The following TRANK1 variants were observed in gnomAD, a reference collection of about 807,000 sequenced individuals.
TRANK1 encodes the protein tetratricopeptide repeat and ankyrin repeat containing 1.
In TRANK1, 198 loss-of-function variants were observed where a neutral mutation model predicts 266.0. The observed-to-expected ratio is 0.74, with a 90% confidence interval of 0.66 to 0.84. The LOEUF is 0.84. Among genes scored for constraint, TRANK1 ranks in the 40% least tolerant of loss-of-function variants. TRANK1 has a pLI of 0.00. For missense variants in TRANK1, 3,326 were observed against 3,634.6 expected, an observed-to-expected ratio of 0.92 and a Z score of 2.18; for synonymous variants, 1,396 against 1,384.1, an observed-to-expected ratio of 1.01 and a Z score of -0.19.
At chr3:36,919,636 T>C (rs1414547426) in intron 1 of TRANK1, among the ~76,000 whole-genome samples, 4 of 152,108 alleles carry the variant, frequency 2.6e-5, no homozygotes, top group African/African-American at 9.7e-5. Flanking sequence ...TTCCCAGGAG[T>C]GGATCTGCTG....
At chr3:36,940,345 A>G (rs896210613) in intron 1 of TRANK1, among the ~76,000 whole-genome samples, 1 of 151,682 alleles carries the variant, frequency 6.6e-6, no homozygotes, top group African/African-American at 2.4e-5. Context: ...AAAAAGTACA[A>G]AAAAATTAGC....
chr3:36,926,400 GA>G (rs2080288713), intron 1 of TRANK1, among the ~76,000 whole-genome samples: 1 of 152,154 alleles, frequency 6.6e-6, no homozygotes, highest in African/African-American at 2.4e-5. Flanking sequence ...ATCTACAGAA[GA>G]AATTGTTAAG....
intron 9 of TRANK1, among the ~76,000 whole-genome samples, chr3:36,871,049 A>G (rs575379193): frequency 1.3e-5 from 2 of 152,186 alleles, no homozygotes; most frequent in South Asian, 4.1e-4. Context: ...AACACTAAAT[A>G]GAACATGCAC....
chr3:36,862,281 C>T (rs879906515), intron 10 of TRANK1, among the ~76,000 whole-genome samples: 12 of 152,070 alleles, frequency 7.9e-5, no homozygotes, highest in African/African-American at 2.2e-4. Flanking sequence ...TCAAGGATTA[C>T]CTAAATAAGA....
chr3:36,850,624 T>TA, intron 15 of TRANK1: 2 of 797,072 alleles, frequency 2.5e-6, no homozygotes, highest in Non-Finnish European at 3.0e-6. Flanking sequence ...AAATAAATTT[T>TA]AAAAAATAGA....
intron 1 of TRANK1, among the ~76,000 whole-genome samples, chr3:36,914,384 T>C (rs1005994769): frequency 6.6e-6 from 1 of 151,540 alleles, no homozygotes; most frequent in African/African-American, 2.4e-5. Context: ...AGCGCTCAGG[T>C]GATCCCTCGG....
chr3:36,854,180 G>A (rs2079019967), intron 13 of TRANK1, among the ~76,000 whole-genome samples: 1 of 152,094 alleles, frequency 6.6e-6, no homozygotes. Context: ...GACGAACATA[G>A]TGAAACCCCA....
chr3:36,902,976 C>T (rs1430868789), intron 3 of TRANK1, among the ~76,000 whole-genome samples, 173 bp downstream of exon 3: 1 of 152,162 alleles, frequency 6.6e-6, no homozygotes, highest in Non-Finnish European at 1.5e-5. Context: ...AGAAGAACTC[C>T]TAGCATTTCC....
In TRANK1 at chr3:36,899,145, C is replaced by A; in HGVS notation, c.397G>T (p.Ala133Ser). 1 of 1,537,264 alleles carries A rather than the reference C, an allele frequency of 6.5e-7. No homozygotes were observed. Among genetic ancestry groups the A allele is most frequent in the Admixed American group, 2.0e-5 (1 of 50,994 alleles). Residue 133 changes from alanine to serine, a missense_variant, in exon 4 of 24, where the codon GCT becomes TCT. Ala to Ser is a moderately conservative substitution (Grantham distance 99, BLOSUM62 1). Coordinates refer to ENST00000645898, the MANE Select transcript of TRANK1 (RefSeq NM_001329998.2). The part of the protein sequence containing the change: ...VQRSQDQAPV[A>S]DFLVGVFTTM... ...GTGAAGACTCCAACAAGGAAATCAG[C>A]AACCGGTGCCTGGTCTTGGCTTCTC...
chr3:36,833,278 G>A lies in TRANK1; in HGVS notation c.6305C>T (p.Thr2102Ile), dbSNP rs754981804. The A allele has an allele frequency of 6.8e-6, 11 of 1,613,936 alleles. No individual in the cohort carries two copies. The highest frequency in any genetic ancestry group is 8.5e-6 in the Non-Finnish European group (10 of 1,179,876). ...LSLVRALKRVTNNAEKEMVKS... is the reference protein window; with the variant it reads ...LSLVRALKRVINNAEKEMVKS... ...GACCATTTCCTTCTCAGCATTGTTGGTCACTCTTTTGAGAGCCCTGACCAG... is the reference window on the plus strand; with the variant it reads ...GACCATTTCCTTCTCAGCATTGTTGATCACTCTTTTGAGAGCCCTGACCAG... Residue 2102 changes from threonine (T) to isoleucine (I), a missense_variant, in exon 22 of 24, where the codon ACC (threonine) becomes ATC (isoleucine). Coordinates refer to ENST00000645898, the MANE Select transcript of TRANK1 (RefSeq NM_001329998.2).
rs200523198 is a variant in TRANK1 at position 36,831,295 on chromosome 3, T to C, written c.8288A>G (p.Asp2763Gly). 1 of 1,613,480 alleles carries C rather than the reference T, an allele frequency of 6.2e-7. No homozygotes were observed. Among genetic ancestry groups the C allele is most frequent in the Non-Finnish European group, 8.5e-7 (1 of 1,179,886 alleles). The change falls in exon 22 of 24, where the codon GAC (aspartate) becomes GGC (glycine). Residue 2763 changes from aspartate (D) to glycine (G), a missense_variant. Coordinates refer to ENST00000645898, the MANE Select transcript of TRANK1 (RefSeq NM_001329998.2). The surrounding 1 kb of genome is among the most constrained non-coding windows in gnomAD (Gnocchi z 5.0). ...EPRAGNFKKA[D>G]VDRTQCDLCG... ...TAGGTCACACTGGGTCCTGTCCACG[T>C]CTGCCTTTTTGAAGTTCCCAGCCCT... is the stretch of plus-strand genomic sequence containing the variant.
chr3:36,828,265 T>A lies in TRANK1; in HGVS notation c.*10A>T. On this transcript the variant is annotated 3_prime_UTR_variant, in exon 24 of 24. Coordinates refer to ENST00000645898, the MANE Select transcript of TRANK1 (RefSeq NM_001329998.2). ...TTCCGAAGGATGAGGAGGCTGCAGC[T>A]GTGTGGACATTAGTATTTTCTCTGC... 1 of 1,598,644 alleles carries A rather than the reference T, an allele frequency of 6.3e-7. No individual in the cohort carries two copies. The highest frequency in any genetic ancestry group is 8.6e-7 in the Non-Finnish European group (1 of 1,168,676).
At chr3:36,916,171 C>G (rs2080121492) in intron 1 of TRANK1, among the ~76,000 whole-genome samples, 2 of 152,192 alleles carry the variant, frequency 1.3e-5, no homozygotes, top group African/African-American at 4.8e-5. Context: ...AATTTCAAAT[C>G]TAACTTAATT....
Position 36,832,153 on chromosome 3 carries a change from C to T in TRANK1, c.7430G>A (p.Cys2477Tyr), listed in dbSNP as rs757447432. The T allele has an allele frequency of 1.2e-5, 20 of 1,613,946 alleles. No homozygotes were observed. The highest frequency in any genetic ancestry group is 3.3e-5 in the Admixed American group (2 of 60,028). The change falls in exon 22 of 24, where the codon TGC becomes TAC. Residue 2477 changes from cysteine to tyrosine, a missense_variant. Transcript: ENST00000645898. ...GAGTGCAATGTAGCTCTTGGGGAGG[C>T]ATAGAATGACATTCTTCCAGAGGCG... ...LARLWKNVILCLPKSYIALLH... is the reference protein window; with the variant it reads ...LARLWKNVILYLPKSYIALLH...
intron 8 of TRANK1, among the ~76,000 whole-genome samples, chr3:36,885,596 A>G (rs2079591302): frequency 6.6e-6 from 1 of 152,248 alleles, no homozygotes; most frequent in African/African-American, 2.4e-5. Flanking sequence ...ATGCAGTAGC[A>G]CGATCGTAGT....
At chr3:36,941,081 C>T (rs1365885895) in intron 1 of TRANK1, among the ~76,000 whole-genome samples, 1 of 152,160 alleles carries the variant, frequency 6.6e-6, no homozygotes, top group African/African-American at 2.4e-5. Flanking sequence ...GTCAAGGCTG[C>T]TGTCTGAGCA....
intron 5 of TRANK1, among the ~76,000 whole-genome samples, chr3:36,895,166 A>G (rs1466692059): frequency 6.6e-6 from 1 of 152,214 alleles, no homozygotes; most frequent in Non-Finnish European, 1.5e-5. Context: ...CCAGACCTCC[A>G]CAGTCCACTC....
At chr3:36,907,652 G>T (rs1365694475) in intron 2 of TRANK1, among the ~76,000 whole-genome samples, 1 of 150,792 alleles carries the variant, frequency 6.6e-6, no homozygotes, top group African/African-American at 2.4e-5. Flanking sequence ...TTTTAATAGA[G>T]ATGGGGTTTC....
chr3:36,930,306 G>A (rs1442810750), intron 1 of TRANK1, among the ~76,000 whole-genome samples: 1 of 152,178 alleles, frequency 6.6e-6, no homozygotes, highest in African/African-American at 2.4e-5. Flanking sequence ...GTAAGAAAAT[G>A]GGGACCTGAG....
Sources: allele counts gnomAD v4.1 joint callset (sites outside exome capture counted in the v4.1 genomes callset), GRCh38; gene constraint gnomAD v4.1.1; non-coding constraint Gnocchi (gnomAD v3.1); transcripts MANE v1.5; gene names NCBI Gene and HGNC (gene_info 2026-07-23, HGNC 2026-07-21).